Variants in PREX2 observed in about 807,000 individuals in gnomAD.
PREX2 encodes phosphatidylinositol 3,4,5-trisphosphate-dependent Rac exchanger 2 protein.
Under a neutral mutation model 203.2 loss-of-function variants are expected in PREX2, and 107 were observed. That is an observed-to-expected ratio of 0.53 (90% CI 0.45 to 0.62). PREX2 has a LOEUF of 0.62. Ranked by LOEUF, PREX2 falls within the 20% of genes least tolerant of loss-of-function variation. PREX2 has a pLI of 0.00. For missense variants in PREX2, 1,777 were observed against 1,955.9 expected, an observed-to-expected ratio of 0.91 and a Z score of 1.72; for synonymous variants, 672 against 663.6, an observed-to-expected ratio of 1.01 and a Z score of -0.19.
chr8:68,129,771 C>G (rs559941532), intron 31 of PREX2, among the ~76,000 whole-genome samples: 1 of 151,728 alleles, frequency 6.6e-6, no homozygotes, highest in Non-Finnish European at 1.5e-5. Context: ...GAAATGAAAC[C>G]GAAGCCTTTG....
intron 35 of PREX2, among the ~76,000 whole-genome samples, chr8:68,165,533 C>T (rs1210591934): frequency 6.6e-6 from 1 of 152,002 alleles, no homozygotes; most frequent in African/African-American, 2.4e-5. Context: ...TTGCTCACAG[C>T]GACTCCAGGA....
intron 1 of PREX2, among the ~76,000 whole-genome samples, chr8:67,992,096 C>A (rs6995815): frequency 0.48 from 73,182 of 151,642 alleles, 17,980 homozygotes; most frequent in South Asian, 0.61. Context: ...GGACTCTGGT[C>A]TTTCCCTTGG....
intron 32 of PREX2, among the ~76,000 whole-genome samples, 192 bp from the exon 33 acceptor site, chr8:68,138,223 C>G (rs1467656115): frequency 1.3e-5 from 2 of 151,998 alleles, no homozygotes; most frequent in African/African-American, 4.8e-5. Flanking sequence ...ATAAAAGAAA[C>G]TTGTAACTTT....
At chr8:68,208,251 CACTGA>C (rs1346384714) in intron 37 of PREX2, among the ~76,000 whole-genome samples, 2 of 152,098 alleles carry the variant, frequency 1.3e-5, no homozygotes, top group African/African-American at 4.8e-5. Context: ...TACATTAACA[CACTGA>C]ACTGTACACA....
At chr8:68,039,918 C>T (rs1410342093) in intron 7 of PREX2, among the ~76,000 whole-genome samples, 1 of 152,178 alleles carries the variant, frequency 6.6e-6, no homozygotes, top group Non-Finnish European at 1.5e-5. Context: ...TATGCCTCCA[C>T]AATTTATGCT....
Position 68,120,156 on chromosome 8 carries a change from T to A in PREX2, c.3505-40T>A, listed in dbSNP as rs559781070. 8 of 1,289,266 alleles carry A rather than the reference T, an allele frequency of 6.2e-6. No homozygotes were observed. The South Asian group carries it at 9.7e-5, about 16-fold the overall frequency. 79.9% of individuals were successfully genotyped at this position (1,289,266 alleles called of 1,614,324 possible). ...ACTTTTAGAAATACGTATCATGTAC[T>A]ATGAGAAATATGTAACTCGGAAATC... On this transcript the variant is annotated intron_variant, in intron 28 of 39. Coordinates refer to ENST00000288368, the MANE Select transcript of PREX2 (RefSeq NM_024870.4).
intron 37 of PREX2, among the ~76,000 whole-genome samples, chr8:68,208,149 G>C (rs1462537337): frequency 6.6e-6 from 1 of 152,182 alleles, no homozygotes; most frequent in African/African-American, 2.4e-5. Flanking sequence ...CACCAATCTA[G>C]GCAGGAGATG....
chr8:68,115,021 C>CTTTTTTTTTTTTTTT (rs5892137), intron 25 of PREX2, among the ~76,000 whole-genome samples: 16 of 86,864 alleles, frequency 1.8e-4, no homozygotes, highest in South Asian at 4.3e-4. Flanking sequence ...TCTTTTCTTT[C>CTTTTTTTTTTTTTTT]TTTTTTTTTT....
chr8:68,078,115 C>G (rs565428853), intron 15 of PREX2, among the ~76,000 whole-genome samples: 1 of 152,000 alleles, frequency 6.6e-6, no homozygotes, highest in South Asian at 2.1e-4. Flanking sequence ...TTTTCCTGTT[C>G]GTAACATCAT....
intron 1 of PREX2, among the ~76,000 whole-genome samples, chr8:68,008,872 G>A (rs1245923336): frequency 6.6e-6 from 1 of 152,180 alleles, no homozygotes; most frequent in African/African-American, 2.4e-5. Flanking sequence ...CTCCCCAGCT[G>A]TGTGGAACTG....
intron 1 of PREX2, among the ~76,000 whole-genome samples, chr8:67,975,844 C>T (rs946459936): frequency 8.6e-5 from 13 of 150,694 alleles, no homozygotes; most frequent in East Asian, 7.9e-4. Flanking sequence ...GCTGGGACTA[C>T]AGGCGTGTGC....
intron 1 of PREX2, among the ~76,000 whole-genome samples, chr8:67,999,295 C>G (rs896104831): frequency 3.3e-5 from 5 of 151,922 alleles, no homozygotes; most frequent in Non-Finnish European, 7.4e-5. Context: ...GATGTTACCT[C>G]TGACCTAGAG....
rs71554620 is a variant in PREX2, at chr8:68,064,539, GTT to G, written c.1339+3773_1339+3774del. 3.3e-5 allele frequency among the ~76,000 whole-genome samples: 5 copies of G among 149,472 alleles called. No homozygotes were observed. In the South Asian group the frequency reaches 8.5e-4, roughly 25 times the overall value. On this transcript the variant is annotated intron_variant, in intron 11 of 39. Transcript: ENST00000288368. ...GCACGCCACCATACCCAGCTAATTT[GTT>G]TTTTTTTTTTTTAATTTGTAGAAAT...
intron 1 of PREX2, among the ~76,000 whole-genome samples, chr8:67,975,694 CTTTTTTT>C (rs67614434): frequency 2.7e-5 from 2 of 75,014 alleles, no homozygotes; most frequent in African/African-American, 5.9e-5. Context: ...ATTTCTCTTT[CTTTTTTT>C]TTTTTTTTTT....
chr8:68,127,604 A>ATG (rs997555729), intron 31 of PREX2, among the ~76,000 whole-genome samples, 185 bp downstream of exon 31: 3 of 151,170 alleles, frequency 2.0e-5, no homozygotes, highest in African/African-American at 7.3e-5. Flanking sequence ...ATGCAAATAT[A>ATG]TATATATACA....
At chr8:67,999,742 A>G (rs922272976) in intron 1 of PREX2, among the ~76,000 whole-genome samples, 7 of 152,228 alleles carry the variant, frequency 4.6e-5, no homozygotes, top group African/African-American at 1.4e-4. Flanking sequence ...TGAATCCAGC[A>G]GTACATCAAA....
intron 1 of PREX2, among the ~76,000 whole-genome samples, chr8:68,016,723 C>G (rs1263008930): frequency 1.3e-5 from 2 of 152,122 alleles, no homozygotes; most frequent in East Asian, 3.9e-4. Context: ...CTCAAGTGAT[C>G]CTCCCACCTC....
At position 68,052,948 on chromosome 8, in the gene PREX2, A is replaced by G. The variant is rs1043631351; in HGVS notation, c.944-149A>G. Reference sequence around the variant, plus strand: ...ATGAAAGCATTCTTAAAGTTTTTAAATGTTTATGTTTTTCAATATACATAT... The same window carrying G: ...ATGAAAGCATTCTTAAAGTTTTTAAGTGTTTATGTTTTTCAATATACATAT... On this transcript the variant is annotated intron_variant, in intron 8 of 39. Coordinates refer to ENST00000288368, the MANE Select transcript of PREX2 (RefSeq NM_024870.4). 8 of 642,808 alleles carry G rather than the reference A, an allele frequency of 1.2e-5. No homozygotes were observed. In the Admixed American group the frequency reaches 1.6e-4, roughly 13 times the overall value. The allele number at this position is 642,808 out of a possible 1,614,324, so 39.8% of individuals were successfully genotyped here.
intron 34 of PREX2, among the ~76,000 whole-genome samples, chr8:68,148,005 G>A (rs2129613705): frequency 6.6e-6 from 1 of 152,272 alleles, no homozygotes; most frequent in East Asian, 1.9e-4. Context: ...CTAGCACTTT[G>A]GGAGGCCGAG....
Sources: gnomAD v4.1 joint callset for allele counts (sites outside exome capture counted in the v4.1 genomes callset) on GRCh38, gnomAD v4.1.1 for gene constraint, MANE v1.5 for transcripts, NCBI Gene and HGNC (gene_info 2026-07-23, HGNC 2026-07-21) for gene names.